The following VPS41 variants were observed in gnomAD, a reference collection of about 807,000 sequenced individuals.
VPS41 encodes the protein vacuolar protein sorting-associated protein 41 homolog.
In VPS41, 85 loss-of-function variants were observed where a neutral mutation model predicts 130.9. That is an observed-to-expected ratio of 0.65 (90% CI 0.55 to 0.78). The LOEUF is 0.78. Ranked by LOEUF, VPS41 falls within the 30% of genes least tolerant of loss-of-function variation. The pLI, the probability that VPS41 is intolerant of heterozygous loss-of-function variation, is 0.00. For missense variants in VPS41, 874 were observed against 1,018.7 expected (o/e 0.86, Z 1.93); for synonymous variants, 335 against 332.9 (o/e 1.01, Z -0.07).
chr7:38,858,016 T>A (rs1786022784), intron 4 of VPS41, among the ~76,000 whole-genome samples: 1 of 152,164 alleles, frequency 6.6e-6, no homozygotes, highest in Non-Finnish European at 1.5e-5. Context: ...GTACCTGGGT[T>A]ACGATAAGGA....
chr7:38,836,306 T>C (rs1785492721), intron 4 of VPS41, among the ~76,000 whole-genome samples: 1 of 152,098 alleles, frequency 6.6e-6, no homozygotes, highest in South Asian at 2.1e-4. Context: ...CCAAAATCAA[T>C]GCAATCACAT....
At chr7:38,845,606 A>T (rs1269047335) in intron 4 of VPS41, among the ~76,000 whole-genome samples, 2 of 152,244 alleles carry the variant, frequency 1.3e-5, no homozygotes, top group African/African-American at 4.8e-5. Flanking sequence ...TCTCCCCAAG[A>T]TGTCTTGAAT....
intron 4 of VPS41, among the ~76,000 whole-genome samples, chr7:38,858,109 A>C (rs1786025233): frequency 1.3e-5 from 2 of 152,230 alleles, no homozygotes; most frequent in South Asian, 4.1e-4. Flanking sequence ...AACGTTTCCT[A>C]TTCAGACCTT....
intron 3 of VPS41, among the ~76,000 whole-genome samples, chr7:38,866,247 C>T (rs1246974769): frequency 6.6e-6 from 1 of 152,094 alleles, no homozygotes; most frequent in Non-Finnish European, 1.5e-5. Context: ...TTAACGAGCT[C>T]AGGTCTTATT....
intron 23 of VPS41, among the ~76,000 whole-genome samples, chr7:38,744,954 T>A (rs1423652101): frequency 6.6e-6 from 1 of 152,220 alleles, no homozygotes; most frequent in Admixed American, 6.5e-5. Flanking sequence ...AATGTTATGT[T>A]ATATGCTACA....
At chr7:38,882,507 C>A (rs1254448944) in intron 2 of VPS41, among the ~76,000 whole-genome samples, 1 of 152,184 alleles carries the variant, frequency 6.6e-6, no homozygotes, top group Non-Finnish European at 1.5e-5. Flanking sequence ...CAAATTCTTA[C>A]CTCCAGTCCA....
chr7:38,795,628 C>T lies in VPS41; in HGVS notation c.571-17G>A, dbSNP rs2115980775. ...CTTCACACCCTGGAAAATAATACAG[C>T]AGTAAGCATCCTCTACTCAGGAGGA... On this transcript the variant is annotated splice_polypyrimidine_tract_variant and intron_variant, in intron 8 of 28. Transcript: ENST00000310301. 8 of 1,605,900 alleles carry T rather than the reference C, an allele frequency of 5.0e-6. No homozygotes were observed. The highest frequency in any genetic ancestry group is 6.8e-6 in the Non-Finnish European group (8 of 1,175,506).
chr7:38,818,024 A>T, intron 6 of VPS41, 142 bp from the exon 7 acceptor site: 1 of 660,256 alleles, frequency 1.5e-6, no homozygotes, highest in Non-Finnish European at 2.7e-6. Context: ...ATCATATTTT[A>T]CAACAACTGA....
intron 4 of VPS41, among the ~76,000 whole-genome samples, chr7:38,858,787 G>A (rs531658011): frequency 2.0e-5 from 3 of 152,204 alleles, no homozygotes; most frequent in South Asian, 4.1e-4. Flanking sequence ...TACATAATAC[G>A]TGATAATGAC....
At chr7:38,790,389 C>T (rs1365488130) in intron 9 of VPS41, among the ~76,000 whole-genome samples, 2 of 152,082 alleles carry the variant, frequency 1.3e-5, no homozygotes, top group Non-Finnish European at 2.9e-5. Context: ...TCTTCTACAA[C>T]ATAATTCTGT....
chr7:38,844,436 C>A (rs1352890293), intron 4 of VPS41, among the ~76,000 whole-genome samples: 1 of 152,118 alleles, frequency 6.6e-6, no homozygotes, highest in Non-Finnish European at 1.5e-5. Flanking sequence ...AAACTTTAGC[C>A]ACTTAAACTT....
chr7:38,784,725 T>C (rs1784408906), intron 10 of VPS41, among the ~76,000 whole-genome samples: 2 of 152,034 alleles, frequency 1.3e-5, no homozygotes, highest in African/African-American at 4.8e-5. Flanking sequence ...CACACTGCAG[T>C]TGGCAAGAAC....
chr7:38,728,222 C>T, intron 27 of VPS41: 1 of 514,958 alleles, frequency 1.9e-6, no homozygotes, highest in Admixed American at 3.3e-5. Flanking sequence ...TACCTGGGAA[C>T]TTGTTAGAAA....
chr7:38,883,030 G>A (rs1786646176), intron 2 of VPS41, among the ~76,000 whole-genome samples: 1 of 152,070 alleles, frequency 6.6e-6, no homozygotes, highest in African/African-American at 2.4e-5. Context: ...ATTACTTGAG[G>A]TCAGGAGTTT....
At position 38,821,296 on chromosome 7, in the gene VPS41, C is replaced by G. The variant is rs903367916; in HGVS notation, c.322-31G>C. On this transcript the variant is annotated intron_variant, in intron 5 of 28. Coordinates refer to ENST00000310301, the MANE Select transcript of VPS41 (RefSeq NM_014396.4). ...AAGAAAATGGATTGTATCAGCTCAC[C>G]ATGACAGCAATAGAGAAGGCTACTG... 4 of 1,530,500 alleles carry G rather than the reference C, an allele frequency of 2.6e-6. No homozygotes were observed. In the Admixed American group the frequency reaches 6.7e-5, roughly 26 times the overall value. 94.8% of individuals were successfully genotyped at this position (1,530,500 alleles called of 1,614,324 possible). A position where few individuals can be genotyped will look rare whatever the true frequency, so the allele number is the denominator to read the frequency against.
At chr7:38,872,049 G>C (rs1339147493) in intron 2 of VPS41, among the ~76,000 whole-genome samples, 2 of 152,148 alleles carry the variant, frequency 1.3e-5, no homozygotes, top group African/African-American at 2.4e-5. Flanking sequence ...TAGCTGAGTG[G>C]TTCACTGAGG....
At chr7:38,729,822 A>C (rs1795626105) in intron 25 of VPS41, among the ~76,000 whole-genome samples, 1 of 152,238 alleles carries the variant, frequency 6.6e-6, no homozygotes, top group Admixed American at 6.5e-5. Flanking sequence ...TCTGTGGGGC[A>C]CAGTGTGAGC....
chr7:38,906,392 T>G lies in VPS41; in HGVS notation c.21+2762A>C, dbSNP rs115989040. Among the ~76,000 whole-genome samples, 92 of 152,154 alleles carry G rather than the reference T, an allele frequency of 6.0e-4. 1 individual carries two copies. Among genetic ancestry groups the G allele is most frequent in the African/African-American group, 2.0e-3 (84 of 41,538 alleles). On this transcript the variant is annotated intron_variant, in intron 1 of 28. Transcript: ENST00000310301. ...CAGGGTCTTGCTCTGTTGCCCAGAC[T>G]GAAGTGCAGTGGCACGATCATGGCT... is the stretch of plus-strand genomic sequence containing the variant.
chr7:38,885,058 C>T (rs185722012), intron 2 of VPS41, among the ~76,000 whole-genome samples: 4 of 152,186 alleles, frequency 2.6e-5, no homozygotes, highest in Admixed American at 6.5e-5. Context: ...CTATTCAGAG[C>T]GCAGGATTTT....
Sources: allele counts gnomAD v4.1 joint callset (sites outside exome capture counted in the v4.1 genomes callset), GRCh38; gene constraint gnomAD v4.1.1; transcripts MANE v1.5; gene names NCBI Gene and HGNC (gene_info 2026-07-23, HGNC 2026-07-21).